The following MLLT10 variants were observed in gnomAD, a reference collection of about 807,000 sequenced individuals.
MLLT10 encodes protein AF-10.
A neutral mutation model predicts 129.1 loss-of-function variants in MLLT10; 30 were observed. The observed-to-expected ratio is 0.23, with a 90% CI of 0.17 to 0.32. MLLT10 has a LOEUF of 0.32. Ranked by LOEUF, MLLT10 falls within the 10% of genes least tolerant of loss-of-function variation. The pLI, the probability that MLLT10 is intolerant of heterozygous loss-of-function variation, is 1.00. For synonymous variants in MLLT10, 490 were observed against 446.4 expected (o/e 1.10, Z -1.23); for missense variants, 1,119 against 1,268.3 (o/e 0.88, Z 1.79).
chr10:21,688,594 T>A, intron 13 of MLLT10: 1 of 1,508,154 alleles, frequency 6.6e-7, no homozygotes, highest in African/African-American at 1.4e-5. Flanking sequence ...TTAATCCTAT[T>A]GTAGCTTGGA....
intron 9 of MLLT10, among the ~76,000 whole-genome samples, chr10:21,667,213 T>A (rs930851624): frequency 6.6e-6 from 1 of 152,060 alleles, no homozygotes; most frequent in Non-Finnish European, 1.5e-5. Flanking sequence ...GTGTAAGACA[T>A]CCTTAAAAAG....
At chr10:21,718,881 G>C (rs2056938964) in intron 14 of MLLT10, among the ~76,000 whole-genome samples, 1 of 152,080 alleles carries the variant, frequency 6.6e-6, no homozygotes, top group Non-Finnish European at 1.5e-5. Flanking sequence ...GCACCACCAC[G>C]CCTGGCTAAT....
intron 8 of MLLT10, among the ~76,000 whole-genome samples, chr10:21,628,964 G>T (rs1164961096): frequency 6.6e-6 from 1 of 151,710 alleles, no homozygotes; most frequent in Non-Finnish European, 1.5e-5. Context: ...GGCCAGGCTG[G>T]TCTTGAACTT....
intron 8 of MLLT10, among the ~76,000 whole-genome samples, chr10:21,620,482 A>C (rs1279987157): frequency 6.6e-6 from 1 of 152,158 alleles, no homozygotes; most frequent in Non-Finnish European, 1.5e-5. Flanking sequence ...AAAATATTGT[A>C]AGTTGAAAGC....
At chr10:21,650,423 A>G (rs1480825493) in intron 8 of MLLT10, among the ~76,000 whole-genome samples, 2 of 152,188 alleles carry the variant, frequency 1.3e-5, no homozygotes, top group Non-Finnish European at 2.9e-5. Flanking sequence ...GTGCAGCCTG[A>G]AAATATCTTA....
At chr10:21,573,810 C>T (rs2040463681) in intron 3 of MLLT10, among the ~76,000 whole-genome samples, 1 of 152,066 alleles carries the variant, frequency 6.6e-6, no homozygotes, top group Admixed American at 6.6e-5. Context: ...CCGCCTTGGC[C>T]TCCGAAAGTG....
rs1238992397 is a variant in MLLT10, at chr10:21,720,542, A to AT, written c.1879-5701dup. ...TTGCTGGAAACTTTTCTAATCAAAT[A>AT]TATTGTGTTCCCAAATTCAAACAAT... On this transcript the variant is annotated intron_variant, in intron 14 of 22. Coordinates refer to ENST00000307729, the MANE Select transcript of MLLT10 (RefSeq NM_001195626.3). 2.6e-5 allele frequency among the ~76,000 whole-genome samples: 4 copies of AT among 152,232 alleles called. No homozygotes were observed. The East Asian group carries it at 7.7e-4, about 29-fold the overall frequency.
intron 3 of MLLT10, among the ~76,000 whole-genome samples, chr10:21,558,971 A>G (rs2038439605): frequency 1.3e-5 from 2 of 152,130 alleles, no homozygotes; most frequent in Admixed American, 1.3e-4. Context: ...GTATCTTGCC[A>G]CTTCTTAGCT....
intron 9 of MLLT10, among the ~76,000 whole-genome samples, chr10:21,665,120 A>G (rs763113782): frequency 1.3e-5 from 2 of 150,376 alleles, no homozygotes; most frequent in Non-Finnish European, 3.0e-5. Flanking sequence ...TAATTTTTGT[A>G]TTCTTAGTAG....
chr10:21,740,699 A>T (rs1420421885), intron 22 of MLLT10, among the ~76,000 whole-genome samples: 3 of 152,274 alleles, frequency 2.0e-5, no homozygotes, highest in Non-Finnish European at 4.4e-5. Context: ...TCACAGTCAC[A>T]TCTGTAATGG....
intron 13 of MLLT10, 148 bp downstream of exon 13, chr10:21,682,405 T>C: frequency 1.7e-6 from 1 of 577,054 alleles, no homozygotes. Context: ...TAGTGAAAAA[T>C]TTTTGTAGAT....
At chr10:21,693,711 A>G (rs368687891) in intron 13 of MLLT10, among the ~76,000 whole-genome samples, 23 of 152,304 alleles carry the variant, frequency 1.5e-4, no homozygotes, top group Admixed American at 2.0e-4. Flanking sequence ...GCATCTTACC[A>G]TTCTCTCCAT....
At chr10:21,665,168 A>G (rs907145043) in intron 9 of MLLT10, among the ~76,000 whole-genome samples, 5 of 150,368 alleles carry the variant, frequency 3.3e-5, no homozygotes, top group African/African-American at 1.2e-4. Context: ...CTGGTCCTGA[A>G]CTCTTGGCCT....
At chr10:21,614,961 A>G in intron 7 of MLLT10, 37 bp downstream of exon 7, 2 of 1,512,200 alleles carry the variant, frequency 1.3e-6, no homozygotes, top group Non-Finnish European at 1.8e-6. Context: ...AATGATTATG[A>G]TTAGTTTTGA....
intron 13 of MLLT10, chr10:21,688,621 C>A: frequency 1.6e-6 from 2 of 1,212,386 alleles, no homozygotes; most frequent in Admixed American, 2.0e-5. Flanking sequence ...CCCATACAAA[C>A]CAGTGTTAGC....
intron 3 of MLLT10, among the ~76,000 whole-genome samples, chr10:21,545,721 CAGT>C (rs1442978253): frequency 2.0e-5 from 3 of 152,202 alleles, no homozygotes; most frequent in East Asian, 1.9e-4. Flanking sequence ...ACGCTGGAAT[CAGT>C]GGTGCGATTT....
intron 14 of MLLT10, among the ~76,000 whole-genome samples, chr10:21,715,546 CT>C (rs1193679101): frequency 6.6e-6 from 1 of 152,106 alleles, no homozygotes; most frequent in African/African-American, 2.4e-5. Flanking sequence ...GTTTTATATC[CT>C]TGGACAAAGT....
At chr10:21,586,901 T>G (rs1209689326) in intron 4 of MLLT10, among the ~76,000 whole-genome samples, 2 of 151,988 alleles carry the variant, frequency 1.3e-5, no homozygotes, top group African/African-American at 4.8e-5. Flanking sequence ...AAAAAAGTAT[T>G]TTTTTTAAAT....
At position 21,743,545 on chromosome 10, in the gene MLLT10, G is replaced by GTGTT. The variant is rs1833922324; in HGVS notation, c.*1563_*1566dup. On this transcript the variant is annotated 3_prime_UTR_variant, in exon 23 of 23. Coordinates refer to ENST00000307729, the MANE Select transcript of MLLT10 (RefSeq NM_001195626.3). ...TTTGTATAAATGGTAAATTTTGAAT[G>GTGTT]TGTTGTTATTTTACCTAGATGTAAA... 1.7e-5 allele frequency: 3 copies of GTGTT among 180,390 alleles called. 1 individual carries two copies. Among genetic ancestry groups the GTGTT allele is most frequent in the South Asian group, 3.9e-4 (2 of 5,064 alleles). The allele number at this position is 180,390 out of a possible 1,614,324, so 11.2% of individuals were successfully genotyped here.
Sources: allele counts gnomAD v4.1 joint callset (sites outside exome capture counted in the v4.1 genomes callset), GRCh38; gene constraint gnomAD v4.1.1; transcripts MANE v1.5; gene names NCBI Gene and HGNC (gene_info 2026-07-23, HGNC 2026-07-21).